Variants in CUX1 observed in about 807,000 individuals in gnomAD.
CUX1 encodes the protein cut like homeobox 1, also known as protein CASP.
Under a neutral mutation model 158.8 loss-of-function variants are expected in CUX1, and 31 were observed. The ratio of observed to expected loss-of-function variants is 0.20; its 90% CI spans 0.15 to 0.26. The LOEUF (loss-of-function observed/expected upper bound fraction) is 0.26. Among genes scored for constraint, CUX1 ranks in the 10% least tolerant of loss-of-function variants. CUX1 has a pLI of 1.00. For missense variants in CUX1, 1,589 were observed against 2,014.6 expected (o/e 0.79, Z 4.04); for synonymous variants, 879 against 862.1 (o/e 1.02, Z -0.34).
chr7:102,238,923 T>G (rs1288934445), intron 22 of CUX1, among the ~76,000 whole-genome samples: 2 of 152,226 alleles, frequency 1.3e-5, no homozygotes, highest in African/African-American at 4.8e-5. Context: ...GGAATCTTGC[T>G]CTGTTACTCA....
intron 23 of CUX1, among the ~76,000 whole-genome samples, chr7:102,242,205 CTTTTTT>C (rs67514665): frequency 5.5e-4 from 51 of 93,034 alleles, no homozygotes; most frequent in African/African-American, 1.9e-3. Context: ...TTCTTTCTTT[CTTTTTT>C]TTTTTTTTTT....
At chr7:102,170,156 T>G (rs1319268243) in intron 9 of CUX1, among the ~76,000 whole-genome samples, 1 of 152,210 alleles carries the variant, frequency 6.6e-6, no homozygotes, top group African/African-American at 2.4e-5. Context: ...GATTTCCACT[T>G]GTATTTATTC....
chr7:101,873,707 C>T (rs936088549), intron 1 of CUX1, among the ~76,000 whole-genome samples: 2 of 152,110 alleles, frequency 1.3e-5, no homozygotes, highest in South Asian at 2.1e-4. Context: ...CCTCAGCCTC[C>T]GGAGTAGCTG....
chr7:101,836,428 G>T (rs1455896122), intron 1 of CUX1, among the ~76,000 whole-genome samples: 3 of 152,168 alleles, frequency 2.0e-5, no homozygotes, highest in South Asian at 2.1e-4. Context: ...AATGGCTGTT[G>T]TGCAGTTTGG....
At chr7:102,079,890 C>T (rs915101174) in intron 4 of CUX1, among the ~76,000 whole-genome samples, 1 of 152,000 alleles carries the variant, frequency 6.6e-6, no homozygotes, top group Non-Finnish European at 1.5e-5. Flanking sequence ...CCTCGGGGGA[C>T]GAGGCTGTAT....
intron 8 of CUX1, among the ~76,000 whole-genome samples, chr7:102,155,789 A>AT (rs1554505076): frequency 6.6e-6 from 1 of 152,032 alleles, no homozygotes; most frequent in African/African-American, 2.4e-5. Context: ...TTTCTGTCAG[A>AT]TCTTGGAGGT....
At chr7:102,122,180 G>C (rs2131203214) in intron 8 of CUX1, among the ~76,000 whole-genome samples, 1 of 152,246 alleles carries the variant, frequency 6.6e-6, no homozygotes, top group South Asian at 2.1e-4. Flanking sequence ...GTACCTTTAA[G>C]AATGTAAAAT....
intron 1 of CUX1, among the ~76,000 whole-genome samples, chr7:101,829,368 G>A (rs896318918): frequency 3.9e-5 from 6 of 152,174 alleles, no homozygotes; most frequent in Non-Finnish European, 7.3e-5. Flanking sequence ...TGCACTAACA[G>A]TAATGGTTTC....
At chr7:102,053,168 G>A (rs573790350) in intron 3 of CUX1, among the ~76,000 whole-genome samples, 3 of 152,252 alleles carry the variant, frequency 2.0e-5, no homozygotes, top group African/African-American at 4.8e-5. Context: ...TCTCATTGTG[G>A]TTTTGATTTG....
intron 6 of CUX1, among the ~76,000 whole-genome samples, chr7:102,108,736 T>TTGTGTGTGTGTGTGTGTGTG (rs10527026): frequency 0.011 from 1,622 of 144,994 alleles, 32 homozygotes; most frequent in African/African-American, 0.035. Context: ...TTCATTCATT[T>TTGTGTGTGTGTGTGTGTGTG]TGTGTGTGTG....
intron 4 of CUX1, among the ~76,000 whole-genome samples, chr7:102,076,289 G>A (rs1290594284): frequency 6.6e-6 from 1 of 152,102 alleles, no homozygotes; most frequent in African/African-American, 2.4e-5. Flanking sequence ...GGAGGCTGTG[G>A]CAGGACAGTC....
chr7:101,876,515 T>C (rs993873720), intron 1 of CUX1, among the ~76,000 whole-genome samples: 12 of 149,696 alleles, frequency 8.0e-5, no homozygotes, highest in Non-Finnish European at 1.5e-4. Flanking sequence ...GCCAACATGG[T>C]GAAACCCTGT....
intron 1 of CUX1, chr7:101,913,583 C>T (rs1803768710): frequency 1.6e-5 from 4 of 251,542 alleles, no homozygotes; most frequent in African/African-American, 9.2e-5. Context: ...GGCATCTTCC[C>T]CAGCGTTTCC....
intron 3 of CUX1, among the ~76,000 whole-genome samples, chr7:102,033,540 G>A (rs1821042660): frequency 6.6e-6 from 1 of 152,092 alleles, no homozygotes; most frequent in Non-Finnish European, 1.5e-5. Flanking sequence ...AAAGATAAAG[G>A]GAATGTTATA....
At chr7:102,024,236 G>A (rs11769397) in intron 2 of CUX1, among the ~76,000 whole-genome samples, 40,332 of 152,156 alleles carry the variant, frequency 0.27, 5,744 homozygotes, top group Non-Finnish European at 0.31. Context: ...CTCTGCTACA[G>A]TCTGAAATCT....
chr7:101,927,320 C>T (rs1162898737), intron 2 of CUX1, among the ~76,000 whole-genome samples: 1 of 152,150 alleles, frequency 6.6e-6, no homozygotes, highest in Admixed American at 6.5e-5. Context: ...CAGATTCAGT[C>T]TCTCTGCTTT....
intron 4 of CUX1, among the ~76,000 whole-genome samples, chr7:102,073,836 T>G (rs1270325021): frequency 6.6e-6 from 1 of 152,230 alleles, no homozygotes; most frequent in Non-Finnish European, 1.5e-5. Context: ...GCCAGAGAAT[T>G]GAAGTTTGCA....
rs1794853997 is a variant in CUX1, at chr7:102,196,856, C to G, written c.1445C>G (p.Ser482Cys). The G allele has an allele frequency of 1.9e-6, 3 of 1,614,220 alleles. No homozygotes were observed. Among genetic ancestry groups the G allele is most frequent in the Middle Eastern group, 1.6e-4 (1 of 6,062 alleles). The change falls in exon 15 of 24, where the codon TCT (serine) becomes TGT (cysteine). Residue 482 changes from serine to cysteine, a missense_variant. By Grantham distance (112) the Ser-to-Cys change is moderately radical. Transcript: ENST00000292535. ...LASTGKFALN[S>C]LLQRQLMQSF... ...TCTACAGGAAAATTTGCACTAAACT[C>G]TCTTCTCCAGCGGCAGCTAATGCAG... is the stretch of plus-strand genomic sequence containing the variant.
intron 11 of CUX1, among the ~76,000 whole-genome samples, chr7:102,187,947 G>A (rs782045285): frequency 2.6e-5 from 4 of 152,024 alleles, no homozygotes; most frequent in South Asian, 2.1e-4. Flanking sequence ...GGTGGCTCAC[G>A]CCTGTAATTC....
Sources: gnomAD v4.1 joint callset for allele counts (sites outside exome capture counted in the v4.1 genomes callset) on GRCh38, gnomAD v4.1.1 for gene constraint, MANE v1.5 for transcripts, NCBI Gene and HGNC (gene_info 2026-07-23, HGNC 2026-07-21) for gene names.